SRFBP1: variants seen among roughly 807,000 people sequenced by gnomAD.
The protein encoded by SRFBP1 is serum response factor binding protein 1, also known as serum response factor-binding protein 1.
A neutral mutation model predicts 45.5 loss-of-function variants in SRFBP1; 47 were observed. The ratio of observed to expected loss-of-function variants is 1.03; its 90% CI spans 0.82 to 1.32. The LOEUF is 1.32. Among genes scored for constraint, SRFBP1 ranks in the 40% most tolerant of loss-of-function variants. SRFBP1 has a pLI of 0.00. For missense variants in SRFBP1, 621 were observed against 484.6 expected, an observed-to-expected ratio of 1.28 and a Z score of -2.64; for synonymous variants, 203 against 166.3, an observed-to-expected ratio of 1.22 and a Z score of -1.70.
At chr5:122,049,420 A>G (rs184320256) in intron 2 of SRFBP1, among the ~76,000 whole-genome samples, 1 of 152,246 alleles carries the variant, frequency 6.6e-6, no homozygotes, top group Non-Finnish European at 1.5e-5. Flanking sequence ...CCCACACAAT[A>G]ATAATAGGAG....
intron 2 of SRFBP1, among the ~76,000 whole-genome samples, chr5:122,041,032 T>C (rs778121532): frequency 2.0e-5 from 3 of 152,214 alleles, no homozygotes; most frequent in Non-Finnish European, 2.9e-5. Context: ...CAGTGGTTGA[T>C]ACATAGTAAG....
chr5:121,964,943 C>G (rs1408447757), intron 1 of SRFBP1, among the ~76,000 whole-genome samples: 1 of 152,168 alleles, frequency 6.6e-6, no homozygotes, highest in East Asian at 1.9e-4. Flanking sequence ...CTAATGACCA[C>G]TGGTGATGAG....
At chr5:122,009,048 C>T (rs928348248) in intron 4 of SRFBP1, among the ~76,000 whole-genome samples, 7 of 152,088 alleles carry the variant, frequency 4.6e-5, no homozygotes, top group Non-Finnish European at 1.0e-4. Flanking sequence ...ATGTATACTC[C>T]CACCTTCAGT....
At chr5:122,013,239 T>TA (rs1331887031) in intron 4 of SRFBP1, among the ~76,000 whole-genome samples, 4 of 152,174 alleles carry the variant, frequency 2.6e-5, no homozygotes, top group Non-Finnish European at 5.9e-5. Flanking sequence ...TTCTTAACTC[T>TA]AACATTTTTC....
chr5:122,036,215 A>G (rs1753690300), intron 2 of SRFBP1, among the ~76,000 whole-genome samples: 1 of 152,120 alleles, frequency 6.6e-6, no homozygotes, highest in Non-Finnish European at 1.5e-5. Flanking sequence ...TTCTGATACC[A>G]CTTTGATCAG....
chr5:122,007,955 G>GT (rs1753012276), intron 4 of SRFBP1, among the ~76,000 whole-genome samples: 1 of 152,040 alleles, frequency 6.6e-6, no homozygotes, highest in African/African-American at 2.4e-5. Flanking sequence ...GCCTAGAGTT[G>GT]TAAGAACCAC....
At chr5:122,060,775 G>A (rs76024350) in intron 2 of SRFBP1, among the ~76,000 whole-genome samples, 3,596 of 152,162 alleles carry the variant, frequency 0.024, 144 homozygotes, top group African/African-American at 0.082. Flanking sequence ...GCAAGAATGT[G>A]ATCTTGCTGG....
chr5:121,995,746 C>A (rs921124663), intron 4 of SRFBP1, among the ~76,000 whole-genome samples: 75 of 151,548 alleles, frequency 4.9e-4, no homozygotes, highest in Admixed American at 3.9e-4. Flanking sequence ...AAAGGATCAA[C>A]AAAATTGATA....
At position 121,962,002 on chromosome 5, in the gene SRFBP1, G is replaced by A; in HGVS notation, c.-31G>A. ...GGTCTGAGAGACCGGTTCACGTGCA[G>A]GCAGCGGCGGATCATATTCCTTCAT... On this transcript the variant is annotated 5_prime_UTR_variant, in exon 1 of 8. Transcript: ENST00000339397. 3 of 1,613,516 alleles carry A rather than the reference G, an allele frequency of 1.9e-6. No individual in the cohort carries two copies. The highest frequency in any genetic ancestry group is 2.5e-6 in the Non-Finnish European group (3 of 1,179,860).
intron 3 of SRFBP1, among the ~76,000 whole-genome samples, chr5:121,993,435 G>C (rs1752656275): frequency 6.6e-6 from 1 of 152,082 alleles, no homozygotes; most frequent in South Asian, 2.1e-4. Context: ...AATTGATTTT[G>C]TGTTAGTTTT....
intron 7 of SRFBP1, among the ~76,000 whole-genome samples, chr5:122,023,007 A>G (rs569512695): frequency 2.0e-4 from 30 of 152,200 alleles, no homozygotes; most frequent in Non-Finnish European, 3.8e-4. Flanking sequence ...CCAGGTTCCA[A>G]ATATTCTCCA....
downstream of SRFBP1, among the ~76,000 whole-genome samples, chr5:122,030,695 C>T (rs570754444): frequency 1.3e-5 from 2 of 151,428 alleles, no homozygotes; most frequent in Non-Finnish European, 2.9e-5. Flanking sequence ...AAAATAGCGT[C>T]TTTAATGTCT....
chr5:122,045,202 GT>G (rs1249825979), intron 2 of SRFBP1, among the ~76,000 whole-genome samples: 1 of 151,986 alleles, frequency 6.6e-6, no homozygotes, highest in Non-Finnish European at 1.5e-5. Context: ...TCTTTATTCT[GT>G]TTTGGTCTAT....
At chr5:122,046,367 G>T (rs1034077180) in intron 2 of SRFBP1, among the ~76,000 whole-genome samples, 1 of 152,090 alleles carries the variant, frequency 6.6e-6, no homozygotes, top group Non-Finnish European at 1.5e-5. Flanking sequence ...CCCTACAAAG[G>T]ACATGAACTC....
intron 3 of SRFBP1, 75 bp from the exon 4 acceptor site, chr5:121,994,524 G>C: frequency 1.1e-6 from 1 of 899,626 alleles, no homozygotes; most frequent in East Asian, 2.8e-5. Context: ...AGTTTCTTAA[G>C]ATACGGAAAG....
intron 3 of SRFBP1, among the ~76,000 whole-genome samples, chr5:121,992,037 A>G (rs1752631871): frequency 6.6e-6 from 1 of 152,152 alleles, no homozygotes; most frequent in African/African-American, 2.4e-5. Context: ...TAATACGAAG[A>G]CTGGTAGGAG....
At chr5:122,000,092 T>A (rs1487725802) in intron 4 of SRFBP1, among the ~76,000 whole-genome samples, 13 of 152,050 alleles carry the variant, frequency 8.5e-5, no homozygotes, top group Admixed American at 8.5e-4. Flanking sequence ...TGTACATATT[T>A]TATTATTGTT....
chr5:121,999,953 G>A (rs982056547), intron 4 of SRFBP1, among the ~76,000 whole-genome samples: 2 of 151,992 alleles, frequency 1.3e-5, no homozygotes, highest in Admixed American at 6.5e-5. Context: ...TATTGATGTG[G>A]TTGAATTAAA....
chr5:122,038,299 T>C (rs576933893), intron 2 of SRFBP1, among the ~76,000 whole-genome samples: 1 of 152,238 alleles, frequency 6.6e-6, no homozygotes, highest in African/African-American at 2.4e-5. Context: ...AAATATAGGG[T>C]CTGGCACAGA....
Sources: allele counts gnomAD v4.1 joint callset (sites outside exome capture counted in the v4.1 genomes callset), GRCh38; gene constraint gnomAD v4.1.1; transcripts MANE v1.5; gene names NCBI Gene and HGNC (gene_info 2026-07-23, HGNC 2026-07-21).